Variants in ACTR3 observed in about 807,000 individuals in gnomAD.
ACTR3 encodes actin-related protein 3.
ACTR3 carries 12 observed loss-of-function variants against 56.8 expected under a neutral mutation model. The observed-to-expected ratio is 0.21, with a 90% CI of 0.14 to 0.34. ACTR3 has a LOEUF of 0.34. Ranked by LOEUF, ACTR3 falls within the 10% of genes least tolerant of loss-of-function variation. ACTR3 has a pLI of 1.00. For synonymous variants in ACTR3, 162 were observed against 167.4 expected, an observed-to-expected ratio of 0.97 and a Z score of 0.25; for missense variants, 282 against 512.5, an observed-to-expected ratio of 0.55 and a Z score of 4.34.
intron 6 of ACTR3, among the ~76,000 whole-genome samples, chr2:113,938,485 C>T (rs1679867853): frequency 6.6e-6 from 1 of 152,126 alleles, no homozygotes; most frequent in African/African-American, 2.4e-5. Context: ...TCAGGGGCTC[C>T]TTTTAAATGT....
rs116989407 is a variant in ACTR3 at position 113,893,584 on chromosome 2, G to C, written c.44+3261G>C. Among the ~76,000 whole-genome samples, 345 of 152,170 alleles carry C rather than the reference G, an allele frequency of 2.3e-3. 8 individuals carry two copies. The East Asian group carries it at 0.049, about 22-fold the overall frequency. On this transcript the variant is annotated intron_variant, in intron 1 of 11. Transcript: ENST00000263238. ...TGGGATTACAGGTGTGAGCCACCGCGCCCAGCCTTAAAGGTTTTTTTTAAA... is the reference window on the plus strand; with the variant it reads ...TGGGATTACAGGTGTGAGCCACCGCCCCCAGCCTTAAAGGTTTTTTTTAAA...
At chr2:113,890,381 G>A in intron 1 of ACTR3, 58 bp downstream of exon 1, 1 of 1,415,128 alleles carries the variant, frequency 7.1e-7, no homozygotes, top group Non-Finnish European at 9.6e-7. Context: ...AAGATGGCGG[G>A]GGAGGGAGGA....
chr2:113,947,159 G>A (rs1213292623), intron 8 of ACTR3, among the ~76,000 whole-genome samples: 1 of 152,206 alleles, frequency 6.6e-6, no homozygotes, highest in Non-Finnish European at 1.5e-5. Flanking sequence ...CAATTAACTT[G>A]AAATTGAAAT....
At chr2:113,913,331 T>G (rs942287906) in intron 2 of ACTR3, 104 bp downstream of exon 2, 1 of 841,268 alleles carries the variant, frequency 1.2e-6, no homozygotes, top group African/African-American at 1.8e-5. Context: ...AAAGATTTAG[T>G]CCTTTTAAAA....
intron 1 of ACTR3, among the ~76,000 whole-genome samples, chr2:113,898,567 G>A (rs1474970533): frequency 2.0e-5 from 3 of 152,204 alleles, no homozygotes; most frequent in Non-Finnish European, 4.4e-5. Context: ...TCAGTGTTTC[G>A]TTGTAATGCA....
At chr2:113,891,432 G>C (rs1233324658) in intron 1 of ACTR3, among the ~76,000 whole-genome samples, 2 of 152,048 alleles carry the variant, frequency 1.3e-5, no homozygotes, top group African/African-American at 4.8e-5. Context: ...GTTTTAGAGA[G>C]TTGTACCACA....
chr2:113,939,824 G>A (rs2104617537), intron 6 of ACTR3, 135 bp from the exon 7 acceptor site: 4 of 647,444 alleles, frequency 6.2e-6, no homozygotes, highest in Non-Finnish European at 9.6e-6. Context: ...ATAAAGGTAA[G>A]TTCTGAGATA....
intron 9 of ACTR3, 53 bp downstream of exon 9, chr2:113,951,624 CCT>C (rs1680122191): frequency 8.5e-6 from 13 of 1,536,880 alleles, no homozygotes; most frequent in Non-Finnish European, 9.0e-6. Flanking sequence ...AACTTAAACA[CCT>C]CTCATAAAAA....
chr2:113,913,443 T>C (rs372685491), intron 2 of ACTR3, among the ~76,000 whole-genome samples: 92 of 152,300 alleles, frequency 6.0e-4, no homozygotes, highest in African/African-American at 2.1e-3. Context: ...ACTAAATACC[T>C]CTTTTTAAAG....
At chr2:113,891,522 T>G (rs1038108385) in intron 1 of ACTR3, among the ~76,000 whole-genome samples, 5 of 152,058 alleles carry the variant, frequency 3.3e-5, no homozygotes, top group African/African-American at 9.7e-5. Context: ...GAAAGTGGTT[T>G]TTTTTTCTGT....
chr2:113,890,619 C>G (rs1256241393), intron 1 of ACTR3: 18 of 1,293,614 alleles, frequency 1.4e-5, no homozygotes, highest in Non-Finnish European at 1.8e-5. Flanking sequence ...CAGCGCCGCC[C>G]AAAGGGCGCT....
intron 3 of ACTR3, among the ~76,000 whole-genome samples, chr2:113,917,974 C>A (rs1679439269): frequency 6.6e-6 from 1 of 152,130 alleles, no homozygotes; most frequent in Non-Finnish European, 1.5e-5. Context: ...TAGGAGTTAG[C>A]TGCTGAGGTG....
At position 113,927,416 on chromosome 2, in the gene ACTR3, A is replaced by C. The variant is rs1392312034; in HGVS notation, c.297A>C (p.Lys99Asn). ...GGTTTATGGAGCAAGTGATCTTTAAATATTTAAGGGCAGAACCTGAAGACC... is the reference window on the plus strand; with the variant it reads ...GGTTTATGGAGCAAGTGATCTTTAACTATTTAAGGGCAGAACCTGAAGACC... ...MERFMEQVIFKYLRAEPEDHY... is the reference protein window; with the variant it reads ...MERFMEQVIFNYLRAEPEDHY... The change falls in exon 4 of 12, where the codon AAA (lysine) becomes AAC (asparagine). Residue 99 changes from lysine (K) to asparagine (N), a missense_variant. Transcript: ENST00000263238. The C allele has an allele frequency of 6.3e-7, 1 of 1,595,154 alleles. No homozygotes were observed. Among genetic ancestry groups the C allele is most frequent in the South Asian group, 1.1e-5 (1 of 88,282 alleles).
chr2:113,933,460 A>T (rs1679760481), intron 5 of ACTR3, among the ~76,000 whole-genome samples: 1 of 152,138 alleles, frequency 6.6e-6, no homozygotes, highest in African/African-American at 2.4e-5. Context: ...GTGAGCCGAG[A>T]TCGTGCCACT....
chr2:113,906,873 T>C (rs773801629), intron 1 of ACTR3, among the ~76,000 whole-genome samples: 4 of 152,196 alleles, frequency 2.6e-5, no homozygotes, highest in Non-Finnish European at 4.4e-5. Flanking sequence ...ACTTTTAAAA[T>C]GAGGAAGTGT....
At chr2:113,923,046 A>G (rs989595259) in intron 3 of ACTR3, among the ~76,000 whole-genome samples, 1 of 152,216 alleles carries the variant, frequency 6.6e-6, no homozygotes, top group Non-Finnish European at 1.5e-5. Context: ...GTTCCTTTCC[A>G]CTGATTCTGT....
At position 113,940,063 on chromosome 2, in the gene ACTR3, C is replaced by A. The variant is rs1293802751; in HGVS notation, c.645C>A (p.Ile215=). Reference sequence around the variant, plus strand: ...TGCTGAGAGACCGAGAAGTAGGAATCCCTCCAGAACAATCCTTGGAAACTG... The same window carrying A: ...TGCTGAGAGACCGAGAAGTAGGAATACCTCCAGAACAATCCTTGGAAACTG... ...QQLLRDREVG[I]PPEQSLETAK... is the part of the protein sequence containing the mutation. The change falls in exon 7 of 12, where the codon ATC becomes ATA. Residue 215 remains isoleucine (I), a synonymous_variant. Transcript: ENST00000263238. The A allele has an allele frequency of 6.8e-6, 11 of 1,613,146 alleles. No individual in the cohort carries two copies. Among genetic ancestry groups the A allele is most frequent in the East Asian group, 6.7e-5 (3 of 44,750 alleles).
chr2:113,894,030 T>C (rs1441062463), intron 1 of ACTR3, among the ~76,000 whole-genome samples: 1 of 152,030 alleles, frequency 6.6e-6, no homozygotes, highest in Non-Finnish European at 1.5e-5. Context: ...AAGGAAGGTA[T>C]ATGTGGGAAG....
intron 1 of ACTR3, among the ~76,000 whole-genome samples, chr2:113,895,413 T>C (rs1678988257): frequency 6.6e-6 from 1 of 152,128 alleles, no homozygotes; most frequent in African/African-American, 2.4e-5. Flanking sequence ...TGGTGCATAG[T>C]AGGAATTCAA....
Sources: allele counts gnomAD v4.1 joint callset (sites outside exome capture counted in the v4.1 genomes callset), GRCh38; gene constraint gnomAD v4.1.1; transcripts MANE v1.5; gene names NCBI Gene and HGNC (gene_info 2026-07-23, HGNC 2026-07-21).